The following RGS5 variants were observed in gnomAD, a reference collection of about 807,000 sequenced individuals.
RGS5 encodes regulator of G-protein signalling 5.
Under a neutral mutation model 18.9 loss-of-function variants are expected in RGS5, and 20 were observed. The observed-to-expected ratio is 1.06, with a 90% CI of 0.74 to 1.54. The LOEUF is 1.54. Ranked by LOEUF, RGS5 falls within the 40% of genes most tolerant of loss-of-function variation. The pLI is 0.00. For synonymous variants in RGS5, 57 were observed against 76.2 expected (o/e 0.75, Z 1.31); for missense variants, 201 against 211.8 (o/e 0.95, Z 0.32).
At chr1:163,255,071 T>C (rs1571321969) in intron 2 of RGS5, among the ~76,000 whole-genome samples, 1 of 152,198 alleles carries the variant, frequency 6.6e-6, no homozygotes, top group Non-Finnish European at 1.5e-5. Context: ...TAGTTTGAAG[T>C]CAGGTAGCAT....
intron 2 of RGS5, among the ~76,000 whole-genome samples, chr1:163,272,007 T>C (rs1222985177): frequency 6.6e-6 from 1 of 151,968 alleles, no homozygotes; most frequent in East Asian, 1.9e-4. Context: ...CTTCCTTCCC[T>C]TTGTTCCTTC....
At chr1:163,226,013 C>G (rs182710399) in intron 2 of RGS5, among the ~76,000 whole-genome samples, 2 of 151,934 alleles carry the variant, frequency 1.3e-5, no homozygotes, top group African/African-American at 4.8e-5. Context: ...CTCCACCTCC[C>G]GGGTTCAAAG....
chr1:163,279,346 T>C (rs1215827853), intron 2 of RGS5, among the ~76,000 whole-genome samples: 2 of 151,510 alleles, frequency 1.3e-5, no homozygotes, highest in African/African-American at 2.4e-5. Context: ...GGAATAAAAC[T>C]AGAAATCAAT....
chr1:163,199,215 G>A (rs1659684589), intron 1 of RGS5, among the ~76,000 whole-genome samples: 1 of 151,972 alleles, frequency 6.6e-6, no homozygotes. Context: ...TATGCCAGAG[G>A]GTAGAAACTC....
At position 163,179,078 on chromosome 1, in the gene RGS5, C is replaced by T. The variant is rs548038057; in HGVS notation, c.45-10710G>A. Among the ~76,000 whole-genome samples the T allele has an allele frequency of 3.1e-4, 47 of 152,232 alleles. 1 individual carries two copies. The highest frequency in any genetic ancestry group is 2.2e-3 in the Admixed American group (33 of 15,284). ...TAACTGGAAGCTTGTAAAGCAAATA[C>T]GATACACGTTAAAAAGACTGTTCCT... On this transcript the variant is annotated intron_variant, in intron 1 of 4. Transcript: ENST00000313961.
At chr1:163,155,938 T>A (rs373043352) in intron 3 of RGS5, among the ~76,000 whole-genome samples, 1 of 152,162 alleles carries the variant, frequency 6.6e-6, no homozygotes, top group South Asian at 2.1e-4. Flanking sequence ...TTCGCCCTAA[T>A]GAATGGTGTC....
intron 1 of RGS5, among the ~76,000 whole-genome samples, chr1:163,174,139 A>T (rs1202847076): frequency 6.6e-6 from 1 of 152,158 alleles, no homozygotes. Flanking sequence ...TAACTTCCCA[A>T]TGTGCAATGG....
chr1:163,298,999 T>C (rs1300109803), intron 2 of RGS5, among the ~76,000 whole-genome samples: 1 of 150,122 alleles, frequency 6.7e-6, no homozygotes, highest in African/African-American at 2.5e-5. Context: ...CATGAGAGGA[T>C]GGCCATTTGT....
intron 1 of RGS5, among the ~76,000 whole-genome samples, chr1:163,214,435 A>G (rs1018211894): frequency 2.0e-5 from 3 of 152,058 alleles, no homozygotes; most frequent in Non-Finnish European, 1.5e-5. Context: ...ACACCTTCAC[A>G]TTTCTATTAC....
Position 163,147,918 on chromosome 1 carries a change from C to CTTTTTTTTCTT in RGS5, c.385-416_385-415insAAGAAAAAAAA, listed in dbSNP as rs3065035. Among the ~76,000 whole-genome samples, 311 of 78,090 alleles carry CTTTTTTTTCTT rather than the reference C, an allele frequency of 4.0e-3. 7 individuals are homozygous for CTTTTTTTTCTT. The highest frequency in any genetic ancestry group is 6.6e-3 in the East Asian group (17 of 2,572). 51.2% of individuals were successfully genotyped at this position (78,090 alleles called of 152,430 possible). A position where few individuals can be genotyped will look rare whatever the true frequency, so the allele number is the denominator to read the frequency against. ...GGTGTCCTGGTGCTTTTTTCTTTTT[C>CTTTTTTTTCTT]TTTTTTTTTTTTTTTTTTTTTTGTT... On this transcript the variant is annotated intron_variant, in intron 4 of 4. Transcript: ENST00000313961.
In RGS5 at chr1:163,143,304, C is replaced by T. The variant is rs1171150253; in HGVS notation, c.*4038G>A. On this transcript the variant is annotated 3_prime_UTR_variant, in exon 5 of 5. Coordinates refer to ENST00000313961, the MANE Select transcript of RGS5 (RefSeq NM_003617.4). The stretch of plus-strand genomic sequence containing the variant: ...AGTTGAGCCAGCATAAACCAAGATG[C>T]ACCAAACTTCATGTCCAAAACCTAC... The T allele has an allele frequency of 6.6e-6, 1 of 152,192 alleles. No individual in the cohort carries two copies. Among genetic ancestry groups the T allele is most frequent in the African/African-American group, 2.4e-5 (1 of 41,438 alleles). 9.4% of individuals were successfully genotyped at this position (152,192 alleles called of 1,614,324 possible). A position where few individuals can be genotyped will look rare whatever the true frequency, so the allele number is the denominator to read the frequency against.
chr1:163,192,247 G>C (rs1022728450), intron 1 of RGS5, among the ~76,000 whole-genome samples: 2 of 152,160 alleles, frequency 1.3e-5, no homozygotes, highest in African/African-American at 4.8e-5. Flanking sequence ...TGAAGTGGGG[G>C]GCAGTCTTGT....
intron 4 of RGS5, among the ~76,000 whole-genome samples, chr1:163,150,541 A>G (rs1657331513): frequency 6.6e-6 from 1 of 152,186 alleles, no homozygotes; most frequent in Non-Finnish European, 1.5e-5. Context: ...TGCTGACAGA[A>G]GAAAGGATGG....
chr1:163,159,442 T>C (rs2940245), intron 3 of RGS5, among the ~76,000 whole-genome samples: 84,849 of 152,108 alleles, frequency 0.56, 25,938 homozygotes, highest in South Asian at 0.72. Context: ...TCACAATTTA[T>C]ATTCTTCTGC....
At chr1:163,172,009 A>G (rs1658322084) in intron 1 of RGS5, among the ~76,000 whole-genome samples, 1 of 152,218 alleles carries the variant, frequency 6.6e-6, no homozygotes, top group Non-Finnish European at 1.5e-5. Flanking sequence ...AGCAGCAGTC[A>G]GTCAGTTGGG....
chr1:163,237,783 C>T (rs1053344974), intron 2 of RGS5: 2 of 152,884 alleles, frequency 1.3e-5, no homozygotes, highest in Admixed American at 6.5e-5. Flanking sequence ...AACACTGCCA[C>T]TCCTACTCAG....
At chr1:163,293,028 C>T (rs1372754981) in intron 2 of RGS5, among the ~76,000 whole-genome samples, 3 of 152,232 alleles carry the variant, frequency 2.0e-5, no homozygotes, top group Non-Finnish European at 4.4e-5. Flanking sequence ...TTAATTAGAT[C>T]CCATTTGTCA....
chr1:163,218,499 A>G (rs1177457231), upstream of RGS5, among the ~76,000 whole-genome samples: 2 of 151,886 alleles, frequency 1.3e-5, no homozygotes, highest in African/African-American at 4.8e-5. Flanking sequence ...AGACACCTAT[A>G]TTACATCATG....
chr1:163,172,933 T>C (rs1333087779), intron 1 of RGS5, among the ~76,000 whole-genome samples: 1 of 152,188 alleles, frequency 6.6e-6, no homozygotes, highest in Non-Finnish European at 1.5e-5. Flanking sequence ...CCCGTTTCCC[T>C]TTCCTCCCTA....
Sources: gnomAD v4.1 joint callset for allele counts (sites outside exome capture counted in the v4.1 genomes callset) on GRCh38, gnomAD v4.1.1 for gene constraint, MANE v1.5 for transcripts, NCBI Gene and HGNC (gene_info 2026-07-23, HGNC 2026-07-21) for gene names.